The following FARP1 variants were observed in gnomAD, a reference collection of about 807,000 sequenced individuals.
FARP1 encodes the protein FERM, ARHGEF and pleckstrin domain-containing protein 1.
In FARP1, 52 loss-of-function variants were observed where a neutral mutation model predicts 128.8. The ratio of observed to expected loss-of-function variants is 0.40; its 90% confidence interval spans 0.32 to 0.51. The LOEUF (loss-of-function observed/expected upper bound fraction) is 0.51, where lower values mean the gene tolerates loss of function less well. Ranked by LOEUF, FARP1 falls within the 20% of genes least tolerant of loss-of-function variation. The pLI, the probability that FARP1 is intolerant of heterozygous loss-of-function variation, is 0.45. For missense variants in FARP1, 1,333 were observed against 1,367.9 expected, an observed-to-expected ratio of 0.97 and a Z score of 0.40; for synonymous variants, 580 against 551.8, an observed-to-expected ratio of 1.05 and a Z score of -0.72.
chr13:98,143,977 G>A (rs1246344876), intron 1 of FARP1, among the ~76,000 whole-genome samples: 5 of 152,120 alleles, frequency 3.3e-5, no homozygotes, highest in Admixed American at 2.6e-4. Context: ...GCGGCGCGAG[G>A]GTTCCCGGCG....
chr13:98,297,871 A>G (rs890994634), intron 2 of FARP1, among the ~76,000 whole-genome samples: 4 of 152,222 alleles, frequency 2.6e-5, no homozygotes, highest in Non-Finnish European at 4.4e-5. Context: ...TAGATTTTGA[A>G]TAAGTTCCTT....
chr13:98,359,034 C>T (rs1458190654), intron 3 of FARP1, among the ~76,000 whole-genome samples: 1 of 152,118 alleles, frequency 6.6e-6, no homozygotes, highest in Non-Finnish European at 1.5e-5. Flanking sequence ...TTTCTTGGCT[C>T]CTATATGTGT....
At chr13:98,353,578 A>G (rs1378316347) in intron 3 of FARP1, among the ~76,000 whole-genome samples, 1 of 152,128 alleles carries the variant, frequency 6.6e-6, no homozygotes, top group Non-Finnish European at 1.5e-5. Flanking sequence ...GGGTTTCTCC[A>G]TGTTGGTCAG....
chr13:98,208,504 A>C (rs1482159947), intron 1 of FARP1: 1 of 150,802 alleles, frequency 6.6e-6, no homozygotes, highest in African/African-American at 2.4e-5. Context: ...CAGTTCTCAG[A>C]TCTTCACTCC....
At chr13:98,343,948 T>G in intron 3 of FARP1, 82 bp downstream of exon 3, 1 of 881,936 alleles carries the variant, frequency 1.1e-6, no homozygotes, top group Non-Finnish European at 1.9e-6. Context: ...TCTAAATGAT[T>G]GTGAGTGAGA....
At chr13:98,253,644 T>C (rs7984812) in intron 2 of FARP1, among the ~76,000 whole-genome samples, 121,766 of 151,950 alleles carry the variant, frequency 0.8, 50,101 homozygotes, top group South Asian at 0.91. Flanking sequence ...TGTAGACTGC[T>C]GTGGGCTTTG....
At position 98,368,127 on chromosome 13, in the gene FARP1, C is replaced by T. The variant is rs374266525; in HGVS notation, c.330C>T (p.His110=). 9.0e-5 allele frequency: 145 copies of T among 1,613,296 alleles called. No individual in the cohort carries two copies. Among genetic ancestry groups the T allele is most frequent in the Non-Finnish European group, 1.0e-4 (123 of 1,179,504 alleles). The change falls in exon 5 of 27, where the codon CAC becomes CAT. Residue 110 remains histidine (H), a synonymous_variant. Transcript: ENST00000319562. The part of the protein sequence containing the change: ...PIVKQIRRPK[H]VVVKFVVKFF... ...TTTCTTCTTCTTTAGGGCCAAAGCACGTTGTTGTTAAGTTTGTGGTGAAAT... is the reference window on the plus strand; with the variant it reads ...TTTCTTCTTCTTTAGGGCCAAAGCATGTTGTTGTTAAGTTTGTGGTGAAAT...
At chr13:98,388,266 C>CTCTA in intron 8 of FARP1, 117 bp from the exon 9 acceptor site, 1 of 695,850 alleles carries the variant, frequency 1.4e-6, no homozygotes, top group East Asian at 2.7e-5. Flanking sequence ...CAAAAGTCAT[C>CTCTA]TCTACTGAGC....
At chr13:98,271,770 A>G (rs1466813041) in intron 2 of FARP1, among the ~76,000 whole-genome samples, 1 of 152,186 alleles carries the variant, frequency 6.6e-6, no homozygotes, top group Non-Finnish European at 1.5e-5. Flanking sequence ...CATAGTATTT[A>G]TGGTGTATAT....
intron 17 of FARP1, 100 bp from the exon 18 acceptor site, chr13:98,430,941 TAG>T (rs781138050): frequency 4.3e-5 from 30 of 695,506 alleles, no homozygotes; most frequent in Non-Finnish European, 6.9e-5. Context: ...AATCGTGAAA[TAG>T]AGAGTGCAGG....
chr13:98,216,907 A>G (rs998818700), intron 2 of FARP1, among the ~76,000 whole-genome samples: 9 of 152,188 alleles, frequency 5.9e-5, no homozygotes, highest in Non-Finnish European at 1.2e-4. Context: ...TGTGGAAAAC[A>G]CCGTGCAAAT....
chr13:98,193,450 G>A (rs559693701), intron 1 of FARP1, among the ~76,000 whole-genome samples: 1 of 152,296 alleles, frequency 6.6e-6, no homozygotes, highest in African/African-American at 2.4e-5. Context: ...CGTAGTCTAC[G>A]AAGTGATGTC....
chr13:98,268,816 G>GTGTGTGTA (rs1884258311), intron 2 of FARP1, among the ~76,000 whole-genome samples: 2 of 139,038 alleles, frequency 1.4e-5, no homozygotes, highest in African/African-American at 5.3e-5. Flanking sequence ...GTGTGTGTGT[G>GTGTGTGTA]TGTATACAGC....
intron 16 of FARP1, among the ~76,000 whole-genome samples, chr13:98,423,278 A>G (rs118043401): frequency 0.037 from 5,669 of 152,282 alleles, 153 homozygotes; most frequent in Middle Eastern, 0.061. Flanking sequence ...ACATCCTTCA[A>G]TCCAATCAAG....
chr13:98,292,117 G>A (rs375523383), intron 2 of FARP1, among the ~76,000 whole-genome samples: 4 of 152,308 alleles, frequency 2.6e-5, no homozygotes, highest in African/African-American at 7.2e-5. Flanking sequence ...AGTATAGTGT[G>A]TGCCCTTAAG....
rs1055268653 is a variant in FARP1, at chr13:98,176,186, C to CA, written c.-24+32701dup. 8.1e-6 allele frequency: 13 copies of CA among 1,610,230 alleles called. No individual in the cohort carries two copies. The highest frequency in any genetic ancestry group is 1.0e-5 in the Non-Finnish European group (12 of 1,177,084). On this transcript the variant is annotated intron_variant, in intron 1 of 26. Transcript: ENST00000319562. This position sits in a 1 kb window ranked among gnomAD's most constrained non-coding sequence, Gnocchi z 6.2. The stretch of plus-strand genomic sequence containing the variant: ...TCTTATCTCTTTTTTCCTAAAAGAA[C>CA]AAAAAAATTTATTTAAATGTGAGAA...
chr13:98,325,709 A>G (rs1887199740), intron 2 of FARP1, among the ~76,000 whole-genome samples: 1 of 152,246 alleles, frequency 6.6e-6, no homozygotes, highest in Non-Finnish European at 1.5e-5. Context: ...TTTCCTCAAG[A>G]ATATTTGTCA....
At chr13:98,446,529 C>T (rs1892846556) in intron 25 of FARP1, 137 bp from the exon 26 acceptor site, 8 of 853,238 alleles carry the variant, frequency 9.4e-6, no homozygotes, top group Non-Finnish European at 1.5e-5. Context: ...ACACTGGCTG[C>T]CATGGTCCCT....
intron 5 of FARP1, among the ~76,000 whole-genome samples, chr13:98,370,175 C>T (rs557008175): frequency 8.1e-4 from 124 of 152,290 alleles, no homozygotes; most frequent in Non-Finnish European, 2.4e-4. Flanking sequence ...GAGAAGGAAC[C>T]ATCAGTCATT....
Sources: gnomAD v4.1 joint callset for allele counts (sites outside exome capture counted in the v4.1 genomes callset) on GRCh38, gnomAD v4.1.1 for gene constraint, Gnocchi (gnomAD v3.1) non-coding constraint, MANE v1.5 for transcripts, NCBI Gene and HGNC (gene_info 2026-07-23, HGNC 2026-07-21) for gene names.